PTPRM: variants seen among roughly 807,000 people sequenced by gnomAD.
PTPRM encodes the protein protein tyrosine phosphatase receptor type M.
In PTPRM, 47 loss-of-function variants were observed where a neutral mutation model predicts 186.7. That is an observed-to-expected ratio of 0.25 (90% CI 0.20 to 0.32). The LOEUF is 0.32. PTPRM is among the 10% of genes least tolerant of loss of function. The probability of loss-of-function intolerance (pLI) is 1.00; values close to 1 mark genes in which losing one functional copy is unlikely to be tolerated. For missense variants in PTPRM, 1,494 were observed against 1,865.0 expected (o/e 0.80, Z 3.66); for synonymous variants, 668 against 674.9 (o/e 0.99, Z 0.16).
At chr18:8,220,371 A>G (rs1350665454) in intron 14 of PTPRM, among the ~76,000 whole-genome samples, 1 of 152,226 alleles carries the variant, frequency 6.6e-6, no homozygotes, top group African/African-American at 2.4e-5. Flanking sequence ...GTTCTTTTAC[A>G]TAGCACAGAA....
rs144894478 is a variant in PTPRM at position 8,138,598 on chromosome 18, C to T, written c.2168-5049C>T. 2.0e-5 allele frequency among the ~76,000 whole-genome samples: 3 copies of T among 152,286 alleles called. No homozygotes were observed. The East Asian group carries it at 5.8e-4, about 29-fold the overall frequency. On this transcript the variant is annotated intron_variant, in intron 13 of 32. Coordinates refer to ENST00000580170, the MANE Select transcript of PTPRM (RefSeq NM_001105244.2). ...GGGAAAATGAAGCCATCAAAAGAGA[C>T]CTTTCAAATGCTCTGCTCCCAGACC...
chr18:8,034,778 C>T (rs1194725312), intron 7 of PTPRM, among the ~76,000 whole-genome samples: 1 of 152,196 alleles, frequency 6.6e-6, no homozygotes, highest in Non-Finnish European at 1.5e-5. Context: ...TGTTTTCTTC[C>T]TGTAGAATTC....
chr18:8,396,977 G>C (rs780046397), intron 32 of PTPRM, among the ~76,000 whole-genome samples: 3 of 152,202 alleles, frequency 2.0e-5, no homozygotes, highest in Non-Finnish European at 2.9e-5. Context: ...GCTTAGGCCA[G>C]GGTGATAAAG....
At chr18:8,196,713 G>T (rs879319968) in intron 14 of PTPRM, among the ~76,000 whole-genome samples, 1 of 152,204 alleles carries the variant, frequency 6.6e-6, no homozygotes, top group Non-Finnish European at 1.5e-5. Flanking sequence ...CAGCACTGAC[G>T]TTTCTAAATT....
At position 7,700,318 on chromosome 18, in the gene PTPRM, C is replaced by CTGGGGGGTTTTATGCCTTGTAGAACCCAG. The variant is rs539589584; in HGVS notation, c.74-73828_74-73800dup. ...CTGGACCCAGTAAACCCTTTGTGTGCTGGGGGGTTTTATGCCTTGTAGAAC... is the reference window on the plus strand; with the variant it reads ...CTGGACCCAGTAAACCCTTTGTGTGCTGGGGGGTTTTATGCCTTGTAGAACCCAGTGGGGGGTTTTATGCCTTGTAGAAC... On this transcript the variant is annotated intron_variant, in intron 1 of 32. Transcript: ENST00000580170. Among the ~76,000 whole-genome samples, 479 of 152,222 alleles carry CTGGGGGGTTTTATGCCTTGTAGAACCCAG rather than the reference C, an allele frequency of 3.1e-3. 2 individuals are homozygous for CTGGGGGGTTTTATGCCTTGTAGAACCCAG. Among genetic ancestry groups the CTGGGGGGTTTTATGCCTTGTAGAACCCAG allele is most frequent in the African/African-American group, 0.01 (427 of 41,520 alleles).
intron 7 of PTPRM, among the ~76,000 whole-genome samples, chr18:7,999,837 A>G (rs1431866356): frequency 6.6e-6 from 1 of 152,048 alleles, no homozygotes; most frequent in Non-Finnish European, 1.5e-5. Context: ...ATTATAAGGA[A>G]TTGGCCCACA....
At chr18:8,136,880 G>T (rs2092651377) in intron 13 of PTPRM, among the ~76,000 whole-genome samples, 1 of 152,168 alleles carries the variant, frequency 6.6e-6, no homozygotes, top group South Asian at 2.1e-4. Context: ...TTAAAACAAG[G>T]ATGTTGCTGT....
At chr18:7,679,434 G>T (rs1256776652) in intron 1 of PTPRM, among the ~76,000 whole-genome samples, 1 of 152,166 alleles carries the variant, frequency 6.6e-6, no homozygotes, top group Non-Finnish European at 1.5e-5. Flanking sequence ...GGAGGCCGAG[G>T]CAAGTGGATC....
intron 1 of PTPRM, among the ~76,000 whole-genome samples, chr18:7,691,796 A>G (rs1426840471): frequency 1.3e-5 from 2 of 152,208 alleles, no homozygotes; most frequent in African/African-American, 4.8e-5. Flanking sequence ...ACAATTGGTC[A>G]TGGTGGCACA....
intron 2 of PTPRM, among the ~76,000 whole-genome samples, chr18:7,783,678 C>A (rs2042960371): frequency 6.6e-6 from 1 of 151,774 alleles, no homozygotes; most frequent in Non-Finnish European, 1.5e-5. Flanking sequence ...CTCAAGGGAT[C>A]CTCCTGCTTG....
intron 4 of PTPRM, among the ~76,000 whole-genome samples, chr18:7,914,357 C>T (rs1412029039): frequency 6.6e-6 from 1 of 152,010 alleles, no homozygotes; most frequent in Admixed American, 6.6e-5. Context: ...TGTTTTTCCA[C>T]TTGAAAAATT....
chr18:8,347,811 A>G (rs1402070760), intron 23 of PTPRM, among the ~76,000 whole-genome samples: 1 of 152,238 alleles, frequency 6.6e-6, no homozygotes, highest in Non-Finnish European at 1.5e-5. Flanking sequence ...TATTAAAAAA[A>G]AAAATTTCTT....
chr18:7,836,203 T>C (rs1462334270), intron 2 of PTPRM, among the ~76,000 whole-genome samples: 3 of 152,144 alleles, frequency 2.0e-5, no homozygotes, highest in African/African-American at 4.8e-5. Flanking sequence ...TTTAGTGAAG[T>C]TGATTTTCTG....
At chr18:7,942,904 G>C (rs539611389) in intron 5 of PTPRM, among the ~76,000 whole-genome samples, 1 of 152,164 alleles carries the variant, frequency 6.6e-6, no homozygotes, top group South Asian at 2.1e-4. Flanking sequence ...CTTAGAATGG[G>C]GCTGATAGAG....
intron 23 of PTPRM, among the ~76,000 whole-genome samples, chr18:8,349,595 T>C (rs1162791708): frequency 1.3e-5 from 2 of 151,688 alleles, no homozygotes; most frequent in African/African-American, 4.9e-5. Context: ...ATGTTACCCC[T>C]GGGCATTTAA....
chr18:8,303,760 A>G (rs548889640), intron 20 of PTPRM, among the ~76,000 whole-genome samples: 38 of 152,274 alleles, frequency 2.5e-4, no homozygotes, highest in African/African-American at 9.1e-4. Context: ...CCATCATCGA[A>G]CTCAAACTTC....
intron 11 of PTPRM, 43 bp downstream of exon 11, chr18:8,088,894 TA>T: frequency 7.1e-7 from 1 of 1,416,296 alleles, no homozygotes. Context: ...AGAAGAAAAC[TA>T]AATCAAGTTG....
At chr18:7,636,380 C>G (rs1394529962) in intron 1 of PTPRM, among the ~76,000 whole-genome samples, 1 of 152,172 alleles carries the variant, frequency 6.6e-6, no homozygotes, top group African/African-American at 2.4e-5. Flanking sequence ...ATTTTCAGAT[C>G]TATGAGTGCA....
chr18:7,615,708 T>C (rs2037786388), intron 1 of PTPRM, among the ~76,000 whole-genome samples: 1 of 151,816 alleles, frequency 6.6e-6, no homozygotes, highest in Non-Finnish European at 1.5e-5. Flanking sequence ...TGGGGTGGGG[T>C]GGGGATGGTT....
Sources: allele counts gnomAD v4.1 joint callset (sites outside exome capture counted in the v4.1 genomes callset), GRCh38; gene constraint gnomAD v4.1.1; transcripts MANE v1.5; gene names NCBI Gene and HGNC (gene_info 2026-07-23, HGNC 2026-07-21).